Variants in TMEM63A observed in about 807,000 individuals in gnomAD.
TMEM63A encodes the protein mechanosensitive cation channel TMEM63A.
TMEM63A carries 76 observed loss-of-function variants against 100.6 expected under a neutral mutation model. That is an observed-to-expected ratio of 0.76 (90% CI 0.63 to 0.91). The LOEUF (loss-of-function observed/expected upper bound fraction) is 0.91. Ranked by LOEUF, TMEM63A falls within the 40% of genes least tolerant of loss-of-function variation. The pLI is 0.00. For synonymous variants in TMEM63A, 401 were observed against 401.1 expected (o/e 1.00, Z 0.00); for missense variants, 876 against 1,008.8 (o/e 0.87, Z 1.78).
rs1559036303 is a variant in TMEM63A, at chr1:225,853,610, TG to T, written c.1797+18del. On this transcript the variant is annotated intron_variant, in intron 19 of 24. Coordinates refer to ENST00000366835, the MANE Select transcript of TMEM63A (RefSeq NM_014698.3). The surrounding 1 kb of genome is among the most constrained non-coding windows in gnomAD (Gnocchi z 4.0). ...TGGGAGGGAGTCAGAGGCACAGCCC[TG>T]GGCCCAGGGGATGGCACCTGCTTGA... The T allele has an allele frequency of 3.9e-6, 6 of 1,542,324 alleles. No individual in the cohort carries two copies. The South Asian group carries it at 7.3e-5, about 19-fold the overall frequency.
chr1:225,859,618 C>A, intron 14 of TMEM63A: 1 of 447,308 alleles, frequency 2.2e-6, no homozygotes, highest in Non-Finnish European at 3.9e-6. Flanking sequence ...CCAAACAAGG[C>A]TCCAGCATGG....
chr1:225,855,939 G>C lies in TMEM63A; in HGVS notation c.1573C>G (p.Leu525Val), dbSNP rs1258465108. The change falls in exon 18 of 25, where the codon CTA becomes GTA. Residue 525 changes from leucine to valine, a missense_variant and splice_region_variant. Coordinates refer to ENST00000366835, the MANE Select transcript of TMEM63A (RefSeq NM_014698.3). ...AAGAGCCACCGGAAGAAAAAATCTA[G>C]ACTGAAAAACAAAGGAACCCCCTAA... ...LILPSLGLTSLDFFFRWLFDK... is the reference protein window; with the variant it reads ...LILPSLGLTSVDFFFRWLFDK... The C allele has an allele frequency of 1.2e-6, 2 of 1,613,796 alleles. No homozygotes were observed. Among genetic ancestry groups the C allele is most frequent in the Admixed American group, 1.7e-5 (1 of 59,970 alleles).
At position 225,862,421 on chromosome 1, in the gene TMEM63A, GC is replaced by G; in HGVS notation, c.951+33del. 6.2e-7 allele frequency: 1 copy of G among 1,613,832 alleles called. No individual in the cohort carries two copies. The highest frequency in any genetic ancestry group is 8.5e-7 in the Non-Finnish European group (1 of 1,179,740). ...GTATCTGGGGCACCCCGATGCCAAT[GC>G]CTCTGCTCCCAGCCGGGGGGTGGGA... On this transcript the variant is annotated intron_variant, in intron 12 of 24. Transcript: ENST00000366835. The surrounding 1 kb of genome is among the most constrained non-coding windows in gnomAD (Gnocchi z 5.1).
At chr1:225,880,993 C>T (rs185823014) in intron 1 of TMEM63A, among the ~76,000 whole-genome samples, 67 of 152,318 alleles carry the variant, frequency 4.4e-4, no homozygotes, top group Admixed American at 1.3e-3. Context: ...ATGACAATAG[C>T]GAAACTACAA....
rs554224340 is a variant in TMEM63A at position 225,872,097 on chromosome 1, A to G, written c.267-44T>C. On this transcript the variant is annotated intron_variant, in intron 4 of 24. Transcript: ENST00000366835. The stretch of plus-strand genomic sequence containing the variant: ...AAAAAATGACAGATAATTCTTAGAA[A>G]AAAAAAAAAGCCAAACAAGTCAAAA... 7.5e-6 allele frequency: 11 copies of G among 1,462,572 alleles called. No individual in the cohort carries two copies. The South Asian group carries it at 1.2e-4, about 17-fold the overall frequency. 90.6% of individuals were successfully genotyped at this position (1,462,572 alleles called of 1,614,324 possible).
At chr1:225,848,607 C>T (rs1275628620) in intron 22 of TMEM63A, 53 bp from the exon 23 acceptor site, 2 of 1,580,838 alleles carry the variant, frequency 1.3e-6, no homozygotes, top group Admixed American at 1.7e-5. Flanking sequence ...TCTCTGTGAA[C>T]AAACACCCTC....
chr1:225,844,314 T>C (rs969150685), downstream of TMEM63A, among the ~76,000 whole-genome samples: 1 of 152,082 alleles, frequency 6.6e-6, no homozygotes, highest in African/African-American at 2.4e-5. Context: ...ACTAAATCCA[T>C]GCGCTCCAGT....
intron 23 of TMEM63A, among the ~76,000 whole-genome samples, chr1:225,847,874 G>A (rs766928692): frequency 5.9e-5 from 9 of 152,318 alleles, no homozygotes; most frequent in South Asian, 4.1e-4. Flanking sequence ...TGCAGATGAG[G>A]TCGGCTCTGT....
In TMEM63A at chr1:225,867,887, C is replaced by G; in HGVS notation, c.514+1G>C. 1.2e-6 allele frequency: 2 copies of G among 1,614,070 alleles called. No homozygotes were observed. Among genetic ancestry groups the G allele is most frequent in the Non-Finnish European group, 1.7e-6 (2 of 1,180,018 alleles). ...TAGACAAGGGTGAGGAGGGTCATTA[C>G]CCAGCAAGTCCCCTGAGAGGTTGAC... On this transcript the variant is annotated splice_donor_variant, in intron 7 of 24. Coordinates refer to ENST00000366835, the MANE Select transcript of TMEM63A (RefSeq NM_014698.3). LOFTEE classifies it high-confidence loss of function. This position sits in a 1 kb window ranked among gnomAD's most constrained non-coding sequence, Gnocchi z 4.6.
In TMEM63A at chr1:225,847,141, G is replaced by A; in HGVS notation, c.2323C>T (p.Gln775Ter). Reference sequence around the variant, plus strand: ...ATGTTGTGGATGGCACCATAGGTCTGCTGCTGCTGCTGCTGCGGAGACAGT... The same window carrying A: ...ATGTTGTGGATGGCACCATAGGTCTACTGCTGCTGCTGCTGCGGAGACAGT... ...TALSPQQQQQQTYGAIHNISG... is the reference protein window; with the variant it reads ...TALSPQQQQQ Residue 775 changes from glutamine (Q) to a stop codon, truncating the protein, a stop_gained, in exon 24 of 25, where the codon CAG becomes TAG. Coordinates refer to ENST00000366835, the MANE Select transcript of TMEM63A (RefSeq NM_014698.3). LOFTEE classifies it high-confidence loss of function. 6.5e-7 allele frequency: 1 copy of A among 1,545,540 alleles called. No homozygotes were observed. Among genetic ancestry groups the A allele is most frequent in the Non-Finnish European group, 8.8e-7 (1 of 1,136,042 alleles).
intron 15 of TMEM63A, among the ~76,000 whole-genome samples, chr1:225,857,797 G>A (rs75421784): frequency 0.013 from 1,964 of 152,222 alleles, 43 homozygotes; most frequent in African/African-American, 0.045. Context: ...GTAGACAAAG[G>A]GGAGCTCTCA....
Position 225,856,517 on chromosome 1 carries a change from G to A in TMEM63A, c.1571+135C>T, listed in dbSNP as rs573118657. 6.4e-6 allele frequency: 5 copies of A among 782,010 alleles called. No homozygotes were observed. In the Admixed American group the frequency reaches 9.0e-5, roughly 14 times the overall value. 48.4% of individuals were successfully genotyped at this position (782,010 alleles called of 1,614,324 possible). A position where few individuals can be genotyped will look rare whatever the true frequency, so the allele number is the denominator to read the frequency against. ...AATCAATGACCCAGCCCTACTGCAC[G>A]CCGAGTGGTTGCGACAGGCTTAGAT... On this transcript the variant is annotated intron_variant, in intron 17 of 24. Transcript: ENST00000366835.
At position 225,848,989 on chromosome 1, in the gene TMEM63A, A is replaced by G; in HGVS notation, c.2095T>C (p.Phe699Leu). 4 of 1,555,056 alleles carry G rather than the reference A, an allele frequency of 2.6e-6. No homozygotes were observed. The highest frequency in any genetic ancestry group is 3.5e-6 in the Non-Finnish European group (4 of 1,147,212). The change falls in exon 22 of 25, where the codon TTC becomes CTC. Residue 699 changes from phenylalanine to leucine, a missense_variant. Physicochemically the swap from Phe to Leu is conservative, Grantham distance 22. Coordinates refer to ENST00000366835, the MANE Select transcript of TMEM63A (RefSeq NM_014698.3). ...RLGMKAPATL[F>L]TFLVLLLTIL... ...GTGAGCAGCAGCACCAGGAAGGTGA[A>G]CAGAGTGGCGGGGGCCTTCATACCT...
rs780742970 is a variant in TMEM63A at position 225,859,331 on chromosome 1, C to T, written c.1242G>A (p.Gln414=). 6.2e-7 allele frequency: 1 copy of T among 1,614,036 alleles called. No individual in the cohort carries two copies. The highest frequency in any genetic ancestry group is 8.5e-7 in the Non-Finnish European group (1 of 1,180,030). The change falls in exon 15 of 25, where the codon CAG becomes CAA. Residue 414 remains glutamine, a synonymous_variant. Transcript: ENST00000366835. ...EDICWKNLSI[Q]GLRWWLQWLG... ...GCCACTGTAGCCACCAGCGGAGGCC[C>T]TGGATAGAGAGGTTCTTCCTGCAGC...
chr1:225,846,984 G>C (rs552430343), intron 24 of TMEM63A, 50 bp downstream of exon 24: 1 of 1,544,972 alleles, frequency 6.5e-7, no homozygotes, highest in Non-Finnish European at 8.7e-7. Context: ...CGCTTCACCT[G>C]TCTTCTCACC....
chr1:225,881,541 G>A (rs1222362935), intron 1 of TMEM63A, among the ~76,000 whole-genome samples: 4 of 152,212 alleles, frequency 2.6e-5, no homozygotes, highest in African/African-American at 9.6e-5. Context: ...AGAGGGGCGT[G>A]TGAAGGGAAA....
At chr1:225,874,260 GCT>G in intron 4 of TMEM63A, 26 bp downstream of exon 4, 1 of 1,607,248 alleles carries the variant, frequency 6.2e-7, no homozygotes, top group South Asian at 1.1e-5. Context: ...GCACACGCAT[GCT>G]CACAGCCTAG....
At chr1:225,874,537 G>A (rs1013464704) in intron 3 of TMEM63A, among the ~76,000 whole-genome samples, 170 bp from the exon 4 acceptor site, 6 of 152,226 alleles carry the variant, frequency 3.9e-5, no homozygotes, top group Admixed American at 6.5e-5. Flanking sequence ...TCAGTAGCCC[G>A]GATGCTTTGC....
chr1:225,856,833 G>A, intron 16 of TMEM63A, 78 bp downstream of exon 16: 2 of 1,582,330 alleles, frequency 1.3e-6, no homozygotes, highest in Non-Finnish European at 1.7e-6. Flanking sequence ...TGAGCAGCTG[G>A]GGGGTTAGGG....
Sources: gnomAD v4.1 joint callset for allele counts (sites outside exome capture counted in the v4.1 genomes callset) on GRCh38, gnomAD v4.1.1 for gene constraint, Gnocchi (gnomAD v3.1) non-coding constraint, MANE v1.5 for transcripts, NCBI Gene and HGNC (gene_info 2026-07-23, HGNC 2026-07-21) for gene names.